SMARCC2: variants seen among roughly 807,000 people sequenced by gnomAD.
The protein encoded by SMARCC2 is SWI/SNF complex subunit SMARCC2.
SMARCC2 carries 15 observed loss-of-function variants against 151.3 expected under a neutral mutation model. That is an observed-to-expected ratio of 0.10 (90% CI 0.07 to 0.15). The LOEUF is 0.15. Ranked by LOEUF, SMARCC2 falls within the 10% of genes least tolerant of loss-of-function variation. The probability of loss-of-function intolerance (pLI) is 1.00; values close to 1 mark genes in which losing one functional copy is unlikely to be tolerated. For synonymous variants in SMARCC2, 590 were observed against 609.5 expected (o/e 0.97, Z 0.47); for missense variants, 1,031 against 1,599.7 (o/e 0.64, Z 6.06).
At chr12:56,172,396 G>A (rs1403520203) in intron 20 of SMARCC2, 32 bp downstream of exon 20, 5 of 1,529,528 alleles carry the variant, frequency 3.3e-6, no homozygotes, top group Non-Finnish European at 4.4e-6. Flanking sequence ...TCTGTTTTCA[G>A]AGAAAAACTC....
In SMARCC2 at chr12:56,189,421, T is replaced by C. The variant is rs1877954669; in HGVS notation, c.41A>G (p.Tyr14Cys). The C allele has an allele frequency of 6.6e-7, 1 of 1,520,558 alleles. No homozygotes were observed. The highest frequency in any genetic ancestry group is 8.9e-7 in the Non-Finnish European group (1 of 1,128,180). The allele number at this position is 1,520,558 out of a possible 1,614,324, so 94.2% of individuals were successfully genotyped here. ...RKKDGGPNVKYYEAADTVTQF... is the reference protein window; with the variant it reads ...RKKDGGPNVKCYEAADTVTQF... ...GGTCACGGTGTCCGCGGCCTCGTAG[T>C]ACTTCACGTTGGGGCCGCCGTCCTT... Residue 14 changes from tyrosine (Y) to cysteine (C), a missense_variant, in exon 1 of 29, where the codon TAC becomes TGC. Physicochemically the swap from Tyr to Cys is radical, Grantham distance 194. Around this residue, in one of 12 missense-constraint regions of SMARCC2, gnomAD observed 50 missense variants for 52.4 expected, o/e 0.95. Transcript: ENST00000550164.
At chr12:56,180,136 T>C (rs1347596639) in intron 11 of SMARCC2, among the ~76,000 whole-genome samples, 2 of 151,708 alleles carry the variant, frequency 1.3e-5, no homozygotes, top group Non-Finnish European at 2.9e-5. Context: ...TGAGATGGAG[T>C]CTCGCCCTGT....
rs987318267 is a variant in SMARCC2, at chr12:56,163,597, A to G, written c.*92T>C. 23 of 664,748 alleles carry G rather than the reference A, an allele frequency of 3.5e-5. No homozygotes were observed. The African/African-American group carries it at 3.6e-4, about 10-fold the overall frequency. 41.2% of individuals were successfully genotyped at this position (664,748 alleles called of 1,614,324 possible). ...TTCCTTACGTAGTGATGAACTCTCC[A>G]GGCTGGGGAGGGTCCCAGTGGTGGG... is the stretch of plus-strand genomic sequence containing the variant. On this transcript the variant is annotated 3_prime_UTR_variant, in exon 29 of 29. Coordinates refer to ENST00000550164, the MANE Select transcript of SMARCC2 (RefSeq NM_001330288.2).
At chr12:56,184,996 G>A (rs1876954684) in intron 4 of SMARCC2, 34 bp downstream of exon 4, 5 of 1,587,152 alleles carry the variant, frequency 3.2e-6, no homozygotes, top group Non-Finnish European at 4.3e-6. Context: ...TTCTCACTGA[G>A]GGAAGGGAGA....
chr12:56,170,052 C>T, intron 23 of SMARCC2, 92 bp downstream of exon 23: 1 of 1,437,964 alleles, frequency 7.0e-7, no homozygotes, highest in Non-Finnish European at 9.8e-7. Context: ...CGTCCAAAAC[C>T]AGCCCTTGCC....
Position 56,171,254 on chromosome 12 carries a change from A to G in SMARCC2, c.2347+17T>C. On this transcript the variant is annotated intron_variant, in intron 22 of 28. Transcript: ENST00000550164. The surrounding 1 kb of genome is among the most constrained non-coding windows in gnomAD (Gnocchi z 4.2). ...TCTTGTGAAAGGCAAGAAATCTGGGAACCTGCCTGGCCTTACCAATCCGCT... is the reference window on the plus strand; with the variant it reads ...TCTTGTGAAAGGCAAGAAATCTGGGGACCTGCCTGGCCTTACCAATCCGCT... The G allele has an allele frequency of 6.2e-7, 1 of 1,612,284 alleles. No homozygotes were observed. Among genetic ancestry groups the G allele is most frequent in the Non-Finnish European group, 8.5e-7 (1 of 1,178,508 alleles).
intron 2 of SMARCC2, chr12:56,186,645 C>T (rs762464774): frequency 1.8e-4 from 38 of 207,624 alleles, no homozygotes; most frequent in Admixed American, 2.7e-4. Flanking sequence ...CCACCACGCC[C>T]GGCCTCAAAG....
chr12:56,179,737 A>T (rs1287461072), intron 11 of SMARCC2, among the ~76,000 whole-genome samples: 2 of 152,226 alleles, frequency 1.3e-5, no homozygotes, highest in Non-Finnish European at 2.9e-5. Flanking sequence ...CCCAGGCTGG[A>T]GTGCAGTGGT....
chr12:56,171,471 G>A lies in SMARCC2; in HGVS notation c.2186-39C>T, dbSNP rs769856731. The A allele has an allele frequency of 1.2e-6, 2 of 1,612,848 alleles. No individual in the cohort carries two copies. The highest frequency in any genetic ancestry group is 1.7e-6 in the Non-Finnish European group (2 of 1,178,992). ...AAAGAATGAGGCTGGGAGCGGCACA[G>A]TGGAACAGTTCTGGCAATCCCTGCA... On this transcript the variant is annotated intron_variant, in intron 21 of 28. Coordinates refer to ENST00000550164, the MANE Select transcript of SMARCC2 (RefSeq NM_001330288.2). This position sits in a 1 kb window ranked among gnomAD's most constrained non-coding sequence, Gnocchi z 4.2.
intron 16 of SMARCC2, among the ~76,000 whole-genome samples, chr12:56,174,375 A>C (rs1874534639): frequency 6.6e-6 from 1 of 152,088 alleles, no homozygotes; most frequent in Non-Finnish European, 1.5e-5. Context: ...GTCTCCCAAA[A>C]TGTTTGGATT....
chr12:56,178,190 G>T, intron 14 of SMARCC2, 97 bp from the exon 15 acceptor site: 2 of 1,054,280 alleles, frequency 1.9e-6, no homozygotes, highest in Non-Finnish European at 2.8e-6. Flanking sequence ...AAGGAAAAGA[G>T]CTCGAAATTG....
At chr12:56,184,533 A>G (rs1336342489) in intron 5 of SMARCC2, 1 of 540,496 alleles carries the variant, frequency 1.9e-6, no homozygotes, top group East Asian at 3.1e-5. Context: ...TCTATTCATT[A>G]CTATAAAGTT....
Position 56,170,186 on chromosome 12 carries a change from A to C in SMARCC2, c.2370T>G (p.Ala790=), listed in dbSNP as rs1433652939. ...ERIEESGNDE[A]RVEGQATDEK... is the part of the protein sequence containing the mutation. Reference sequence around the variant, plus strand: ...CATCTGTGGCCTGGCCTTCCACCCGAGCCTCGTCATTCCCGCTCTCCTCTG... The same window carrying C: ...CATCTGTGGCCTGGCCTTCCACCCGCGCCTCGTCATTCCCGCTCTCCTCTG... Residue 790 remains alanine (A), a synonymous_variant, in exon 23 of 29, where the codon GCT becomes GCG. Coordinates refer to ENST00000550164, the MANE Select transcript of SMARCC2 (RefSeq NM_001330288.2). 6.2e-7 allele frequency: 1 copy of C among 1,613,876 alleles called. No homozygotes were observed. The highest frequency in any genetic ancestry group is 8.5e-7 in the Non-Finnish European group (1 of 1,179,882).
At chr12:56,175,619 TG>T (rs1405607911) in intron 15 of SMARCC2, among the ~76,000 whole-genome samples, 1 of 152,200 alleles carries the variant, frequency 6.6e-6, no homozygotes, top group Non-Finnish European at 1.5e-5. Context: ...AGCTATCATG[TG>T]GTACAGTGTA....
chr12:56,178,351 A>T (rs1875440029), intron 14 of SMARCC2, 53 bp downstream of exon 14: 7 of 1,589,516 alleles, frequency 4.4e-6, no homozygotes, highest in Admixed American at 1.7e-5. Flanking sequence ...CAGCCTGTTG[A>T]CCCCTGGAGG....
chr12:56,167,602 T>C (rs1334397685), intron 26 of SMARCC2, among the ~76,000 whole-genome samples: 6 of 152,136 alleles, frequency 3.9e-5, no homozygotes, highest in Admixed American at 1.3e-4. Context: ...TCTGAGGCTC[T>C]TACCCTCTCT....
intron 25 of SMARCC2, among the ~76,000 whole-genome samples, chr12:56,168,935 G>C (rs1041699997): frequency 3.5e-5 from 5 of 144,900 alleles, no homozygotes; most frequent in Non-Finnish European, 6.0e-5. Flanking sequence ...AGCCGAGATT[G>C]TGCCACTGCA....
chr12:56,180,409 CTT>C (rs796301118), intron 11 of SMARCC2, among the ~76,000 whole-genome samples: 1 of 103,010 alleles, frequency 9.7e-6, no homozygotes, highest in African/African-American at 3.8e-5. Context: ...GTGCCCGGCC[CTT>C]TTTTTTTTTG....
intron 14 of SMARCC2, 97 bp from the exon 15 acceptor site, chr12:56,178,190 G>A (rs1875409329): frequency 9.5e-7 from 1 of 1,054,282 alleles, no homozygotes; most frequent in South Asian, 1.5e-5. Context: ...AAGGAAAAGA[G>A]CTCGAAATTG....
Sources: gnomAD v4.1 joint callset for allele counts (sites outside exome capture counted in the v4.1 genomes callset) on GRCh38, gnomAD v4.1.1 for gene constraint, gnomAD v4.1.1 regional missense constraint, Gnocchi (gnomAD v3.1) non-coding constraint, MANE v1.5 for transcripts, NCBI Gene and HGNC (gene_info 2026-07-23, HGNC 2026-07-21) for gene names.